The following RAB29 variants were observed in gnomAD, a reference collection of about 807,000 sequenced individuals.
The protein encoded by RAB29 is ras-related protein Rab-29.
In RAB29, 13 loss-of-function variants were observed where a neutral mutation model predicts 25.5. The observed-to-expected ratio is 0.51, with a 90% CI of 0.33 to 0.81. The LOEUF is 0.81. RAB29 is among the 30% of genes least tolerant of loss of function. The pLI, the probability that RAB29 is intolerant of heterozygous loss-of-function variation, is 0.02. For missense variants in RAB29, 201 were observed against 254.9 expected, an observed-to-expected ratio of 0.79 and a Z score of 1.44; for synonymous variants, 88 against 95.0, an observed-to-expected ratio of 0.93 and a Z score of 0.43.
chr1:205,770,108 A>G lies in RAB29; in HGVS notation c.*234T>C. ...TTGAGGGCTGATGAGAAGATCTTAC[A>G]CCGAAGGCACTAACTGGCACTAATG... On this transcript the variant is annotated 3_prime_UTR_variant, in exon 6 of 6. Transcript: ENST00000367139. 1 of 562,570 alleles carries G rather than the reference A, an allele frequency of 1.8e-6. No individual in the cohort carries two copies. The highest frequency in any genetic ancestry group is 2.1e-5 in the South Asian group (1 of 47,854). 34.8% of individuals were successfully genotyped at this position (562,570 alleles called of 1,614,324 possible). A position where few individuals can be genotyped will look rare whatever the true frequency, so the allele number is the denominator to read the frequency against.
intron 4 of RAB29, chr1:205,771,072 G>A: frequency 1.8e-6 from 1 of 555,978 alleles, no homozygotes; most frequent in East Asian, 3.8e-5. Flanking sequence ...GCTGAGGCGG[G>A]CAGATCATGA....
rs1489632419 is a variant in RAB29, at chr1:205,768,234, TTC to T, written c.*2106_*2107del. 2.0e-5 allele frequency: 3 copies of T among 152,234 alleles called. No homozygotes were observed. Among genetic ancestry groups the T allele is most frequent in the Admixed American group, 6.5e-5 (1 of 15,292 alleles). The allele number at this position is 152,234 out of a possible 1,614,324, so 9.4% of individuals were successfully genotyped here. ...CAAACCACCGAAGGTTTGGTCCCTTTTCTCTCTGATATGTGGCCTCTGATCTC... is the reference window on the plus strand; with the variant it reads ...CAAACCACCGAAGGTTTGGTCCCTTTTCTCTGATATGTGGCCTCTGATCTC... On this transcript the variant is annotated 3_prime_UTR_variant, in exon 6 of 6. Coordinates refer to ENST00000367139, the MANE Select transcript of RAB29 (RefSeq NM_003929.3).
At chr1:205,774,092 C>T (rs938922315) in intron 2 of RAB29, among the ~76,000 whole-genome samples, 7 of 152,198 alleles carry the variant, frequency 4.6e-5, no homozygotes, top group African/African-American at 9.7e-5. Flanking sequence ...TGAATGAACT[C>T]GGTGTCCCCT....
rs748074280 is a variant in RAB29, at chr1:205,775,006, G to A, written c.-50C>T. 1.2e-6 allele frequency: 2 copies of A among 1,607,828 alleles called. No homozygotes were observed. The highest frequency in any genetic ancestry group is 1.7e-6 in the Non-Finnish European group (2 of 1,178,430). ...GAGGCGGGAAGTGTGGTCGGGGATC[G>A]GGGGTCGCTCGTTTTAACCCCTTTG... On this transcript the variant is annotated 5_prime_UTR_variant, in exon 2 of 6. Transcript: ENST00000367139.
chr1:205,774,801 C>CCCCA, intron 2 of RAB29, 32 bp downstream of exon 2: 2 of 1,370,474 alleles, frequency 1.5e-6, no homozygotes, highest in Non-Finnish European at 2.0e-6. Context: ...CTCCTCCTCC[C>CCCCA]CCTCCCCCTC....
In RAB29 at chr1:205,774,948, G is replaced by A. The variant is rs758753849; in HGVS notation, c.9C>T (p.Ser3=). The A allele has an allele frequency of 1.9e-6, 3 of 1,613,686 alleles. No individual in the cohort carries two copies. Among genetic ancestry groups the A allele is most frequent in the Non-Finnish European group, 2.5e-6 (3 of 1,180,016 alleles). The change falls in exon 2 of 6, where the codon AGC becomes AGT. Residue 3 remains serine (S), a synonymous_variant. Coordinates refer to ENST00000367139, the MANE Select transcript of RAB29 (RefSeq NM_003929.3). MG[S]RDHLFKVLVV... Reference sequence around the variant, plus strand: ...CCAGCACTTTGAACAGGTGGTCGCGGCTGCCCATGGCTAGCGGGGTGTGCG... The same window carrying A: ...CCAGCACTTTGAACAGGTGGTCGCGACTGCCCATGGCTAGCGGGGTGTGCG...
In RAB29 at chr1:205,768,182, A is replaced by G. The variant is rs369713711; in HGVS notation, c.*2160T>C. The G allele has an allele frequency of 1.3e-5, 2 of 152,352 alleles. No homozygotes were observed. The highest frequency in any genetic ancestry group is 3.9e-4 in the East Asian group (2 of 5,186). The allele number at this position is 152,352 out of a possible 1,614,324, so 9.4% of individuals were successfully genotyped here. A position where few individuals can be genotyped will look rare whatever the true frequency, so the allele number is the denominator to read the frequency against. On this transcript the variant is annotated 3_prime_UTR_variant, in exon 6 of 6. Coordinates refer to ENST00000367139, the MANE Select transcript of RAB29 (RefSeq NM_003929.3). ...GGTTTCAGAAGACTGTGCAAGTTAA[A>G]ATAATTGGCATTAAAACGACACACA...
chr1:205,774,804 T>TC, intron 2 of RAB29, 29 bp downstream of exon 2: 2 of 523,944 alleles, frequency 3.8e-6, no homozygotes, highest in Admixed American at 7.2e-5. Flanking sequence ...CTCCTCCCCC[T>TC]CCCCCTCCCC....
rs1364497539 is a variant in RAB29 at position 205,775,105 on chromosome 1, A to G, written c.-130-19T>C. 2 of 1,087,428 alleles carry G rather than the reference A, an allele frequency of 1.8e-6. No homozygotes were observed. The highest frequency in any genetic ancestry group is 1.3e-6 in the Non-Finnish European group (1 of 778,126). 67.4% of individuals were successfully genotyped at this position (1,087,428 alleles called of 1,614,324 possible). A position where few individuals can be genotyped will look rare whatever the true frequency, so the allele number is the denominator to read the frequency against. ...GTCTGGGCTGCTCTGACGAGAAAGCAAAAAAGGAAACTTTGCACTCAACCT... is the reference window on the plus strand; with the variant it reads ...GTCTGGGCTGCTCTGACGAGAAAGCGAAAAAGGAAACTTTGCACTCAACCT... On this transcript the variant is annotated intron_variant, in intron 1 of 5. Transcript: ENST00000367139.
rs1428393970 is a variant in RAB29 at position 205,768,545 on chromosome 1, T to TG, written c.*1796_*1797insC. On this transcript the variant is annotated 3_prime_UTR_variant, in exon 6 of 6. Coordinates refer to ENST00000367139, the MANE Select transcript of RAB29 (RefSeq NM_003929.3). Reference sequence around the variant, plus strand: ...AAAATCTTTTTCTTTTTGTTTTTTTTTTTTGGAGATGGAGTTTCACTCTTG... The same window carrying TG: ...AAAATCTTTTTCTTTTTGTTTTTTTTGTTTTGGAGATGGAGTTTCACTCTTG... 6.6e-6 allele frequency: 1 copy of TG among 151,300 alleles called. No individual in the cohort carries two copies. Among genetic ancestry groups the TG allele is most frequent in the Non-Finnish European group, 1.5e-5 (1 of 67,880 alleles). 9.4% of individuals were successfully genotyped at this position (151,300 alleles called of 1,614,324 possible).
intron 2 of RAB29, 35 bp downstream of exon 2, chr1:205,774,798 T>TACCC: frequency 3.5e-5 from 23 of 658,494 alleles, no homozygotes; most frequent in East Asian, 8.1e-5. Context: ...GGCCTCCTCC[T>TACCC]CCCCCTCCCC....
intron 5 of RAB29, 104 bp from the exon 6 acceptor site, chr1:205,770,557 G>A: frequency 7.1e-7 from 1 of 1,401,244 alleles, no homozygotes; most frequent in South Asian, 1.2e-5. Flanking sequence ...AAGCCAGAAG[G>A]TTTAAATGCC....
At chr1:205,773,524 C>T (rs1655132036) in intron 2 of RAB29, among the ~76,000 whole-genome samples, 1 of 151,940 alleles carries the variant, frequency 6.6e-6, no homozygotes, top group African/African-American at 2.4e-5. Flanking sequence ...ATTTTTTGTT[C>T]CTTTGTTTTT....
intron 1 of RAB29, 41 bp from the exon 2 acceptor site, chr1:205,775,127 A>G (rs1350897539): frequency 2.3e-6 from 2 of 861,514 alleles, no homozygotes; most frequent in African/African-American, 3.5e-5. Context: ...TTTGCACTCA[A>G]CCTATACGCG....
intron 3 of RAB29, among the ~76,000 whole-genome samples, chr1:205,772,276 C>G (rs182901469): frequency 3.0e-4 from 45 of 152,144 alleles, no homozygotes; most frequent in African/African-American, 1.0e-3. Flanking sequence ...AATCCACCAC[C>G]TTGCCAGCCC....
rs41302139 is a variant in RAB29 at position 205,771,540 on chromosome 1, G to C, written c.310C>G (p.Gln104Glu). The C allele has an allele frequency of 0.015, 23,608 of 1,614,136 alleles. 256 individuals are homozygous for C. Among genetic ancestry groups the C allele is most frequent in the South Asian group, 0.03 (2,737 of 91,074 alleles). The change falls in exon 4 of 6, where the codon CAG becomes GAG. Residue 104 changes from glutamine (Q) to glutamate (E), a missense_variant. Transcript: ENST00000367139. ...AGTGTGAGCTTGCTGTCTAGGTCCT[G>C]TTTCCACCTCTGGCTGTTGCTGAAG... ...TTFSNSQRWKQDLDSKLTLPN... is the reference protein window; with the variant it reads ...TTFSNSQRWKEDLDSKLTLPN...
rs1654824727 is a variant in RAB29, at chr1:205,768,543, T to TG, written c.*1798_*1799insC. On this transcript the variant is annotated 3_prime_UTR_variant, in exon 6 of 6. Transcript: ENST00000367139. Reference sequence around the variant, plus strand: ...CAAAAATCTTTTTCTTTTTGTTTTTTTTTTTTGGAGATGGAGTTTCACTCT... The same window carrying TG: ...CAAAAATCTTTTTCTTTTTGTTTTTTGTTTTTTGGAGATGGAGTTTCACTCT... 6.6e-6 allele frequency: 1 copy of TG among 151,236 alleles called. No individual in the cohort carries two copies. Among genetic ancestry groups the TG allele is most frequent in the Non-Finnish European group, 1.5e-5 (1 of 67,840 alleles). The allele number at this position is 151,236 out of a possible 1,614,324, so 9.4% of individuals were successfully genotyped here.
chr1:205,772,917 T>G (rs1655099749), intron 2 of RAB29, among the ~76,000 whole-genome samples: 1 of 148,814 alleles, frequency 6.7e-6, no homozygotes, highest in Non-Finnish European at 1.5e-5. Context: ...AGGGAAGGGG[T>G]GATGGGGGAG....
At chr1:205,774,791 C>CGCCG in intron 2 of RAB29, 42 bp downstream of exon 2, 2 of 1,468,882 alleles carry the variant, frequency 1.4e-6, no homozygotes, top group Non-Finnish European at 1.9e-6. Context: ...CGGTCGGGGC[C>CGCCG]TCCTCCTCCC....
Sources: gnomAD v4.1 joint callset for allele counts (sites outside exome capture counted in the v4.1 genomes callset) on GRCh38, gnomAD v4.1.1 for gene constraint, MANE v1.5 for transcripts, NCBI Gene and HGNC (gene_info 2026-07-23, HGNC 2026-07-21) for gene names.